Variants in SLIT3 observed in about 807,000 individuals in gnomAD.
SLIT3 encodes the protein slit homolog 3 protein.
Under a neutral mutation model 184.0 loss-of-function variants are expected in SLIT3, and 68 were observed. The ratio of observed to expected loss-of-function variants is 0.37; its 90% confidence interval spans 0.30 to 0.45. The LOEUF is 0.45. SLIT3 is among the 20% of genes least tolerant of loss of function. The pLI, the probability that SLIT3 is intolerant of heterozygous loss-of-function variation, is 1.00. For synonymous variants in SLIT3, 831 were observed against 828.6 expected (o/e 1.00, Z -0.05); for missense variants, 1,707 against 2,026.0 (o/e 0.84, Z 3.02).
At chr5:168,978,293 A>T (rs918499663) in intron 4 of SLIT3, among the ~76,000 whole-genome samples, 1 of 152,242 alleles carries the variant, frequency 6.6e-6, no homozygotes, top group Non-Finnish European at 1.5e-5. Context: ...ACACTCAGAA[A>T]TTGCCTCACC....
intron 11 of SLIT3, among the ~76,000 whole-genome samples, chr5:168,787,647 TC>T (rs1354770678): frequency 2.6e-5 from 4 of 152,132 alleles, no homozygotes; most frequent in African/African-American, 9.7e-5. Context: ...TTTTTCTGCC[TC>T]CCTCCCCCGC....
intron 4 of SLIT3, among the ~76,000 whole-genome samples, chr5:169,045,920 G>T (rs1484142922): frequency 1.3e-5 from 2 of 152,220 alleles, no homozygotes; most frequent in Non-Finnish European, 2.9e-5. Flanking sequence ...GTAACTGACT[G>T]TGTTTTGTGC....
chr5:168,789,522 C>A lies in SLIT3; in HGVS notation c.1079+38G>T, dbSNP rs543767778. 10 of 1,548,340 alleles carry A rather than the reference C, an allele frequency of 6.5e-6. No individual in the cohort carries two copies. In the South Asian group the frequency reaches 9.1e-5, roughly 14 times the overall value. ...GTCTCTCTTCCCTCCAGCGCCCCCC[C>A]TCCCCTCACCTCAGGCCCCAACTCG... On this transcript the variant is annotated intron_variant, in intron 11 of 35. Transcript: ENST00000519560.
intron 4 of SLIT3, among the ~76,000 whole-genome samples, chr5:168,908,450 C>T (rs1041644043): frequency 1.3e-5 from 2 of 152,050 alleles, no homozygotes; most frequent in Admixed American, 6.6e-5. Flanking sequence ...GATGTCAAGA[C>T]GGATGAGCGG....
At chr5:169,295,425 C>T (rs1175055274) in intron 1 of SLIT3, among the ~76,000 whole-genome samples, 1 of 152,286 alleles carries the variant, frequency 6.6e-6, no homozygotes. Context: ...ATTACAGGGA[C>T]TGCCTCAGGC....
At chr5:169,220,932 A>C (rs1362679823) in intron 3 of SLIT3, among the ~76,000 whole-genome samples, 2 of 152,192 alleles carry the variant, frequency 1.3e-5, no homozygotes, top group African/African-American at 4.8e-5. Context: ...CCCTTCTGGC[A>C]TCTGACCCTT....
In SLIT3 at chr5:168,798,220, C is replaced by CTTTTTTTTTTTTTTTTTTT. The variant is rs575178855; in HGVS notation, c.936-2643_936-2642insAAAAAAAAAAAAAAAAAAA. Among the ~76,000 whole-genome samples the CTTTTTTTTTTTTTTTTTTT allele has an allele frequency of 1.2e-3, 137 of 112,230 alleles. 19 individuals are homozygous for CTTTTTTTTTTTTTTTTTTT. Among genetic ancestry groups the CTTTTTTTTTTTTTTTTTTT allele is most frequent in the African/African-American group, 4.4e-3 (105 of 24,078 alleles). The allele number at this position is 112,230 out of a possible 152,430, so 73.6% of individuals were successfully genotyped here. A position where few individuals can be genotyped will look rare whatever the true frequency, so the allele number is the denominator to read the frequency against. ...CTTTTGGTTTTCTTTTCTTCTTCTT[C>CTTTTTTTTTTTTTTTTTTT]TTCTTTTTTTTTTTTTTTTAAGAGA... On this transcript the variant is annotated intron_variant, in intron 9 of 35. Transcript: ENST00000519560.
chr5:168,983,646 C>T (rs1165089540), intron 4 of SLIT3, among the ~76,000 whole-genome samples: 2 of 152,154 alleles, frequency 1.3e-5, no homozygotes, highest in African/African-American at 4.8e-5. Context: ...AGCCTAACTC[C>T]TGCTATTATG....
intron 4 of SLIT3, among the ~76,000 whole-genome samples, chr5:169,116,476 G>A (rs1174460041): frequency 1.3e-5 from 2 of 152,214 alleles, no homozygotes; most frequent in South Asian, 2.1e-4. Context: ...GAACGACCTA[G>A]TTATGGTGTT....
chr5:169,203,052 T>G (rs993128725), intron 3 of SLIT3, among the ~76,000 whole-genome samples: 1 of 152,118 alleles, frequency 6.6e-6, no homozygotes, highest in Non-Finnish European at 1.5e-5. Flanking sequence ...AAGAGTCCTG[T>G]CTACACAGAG....
At chr5:169,052,349 G>A (rs1188167693) in intron 4 of SLIT3, among the ~76,000 whole-genome samples, 1 of 152,092 alleles carries the variant, frequency 6.6e-6, no homozygotes, top group Non-Finnish European at 1.5e-5. Flanking sequence ...AGGTCATGAG[G>A]CCACAACAGA....
chr5:168,833,393 G>C (rs1270209821), intron 6 of SLIT3, among the ~76,000 whole-genome samples: 1 of 152,172 alleles, frequency 6.6e-6, no homozygotes, highest in Non-Finnish European at 1.5e-5. Flanking sequence ...GGCTAACTGG[G>C]CTCAGCAATG....
chr5:169,295,402 C>A (rs1409227664), intron 1 of SLIT3, among the ~76,000 whole-genome samples: 1 of 152,280 alleles, frequency 6.6e-6, no homozygotes, highest in African/African-American at 2.4e-5. Flanking sequence ...ATGGTAGGCA[C>A]CGTGCTGAGC....
intron 4 of SLIT3, among the ~76,000 whole-genome samples, chr5:169,001,867 T>G (rs1755711799): frequency 6.6e-6 from 1 of 151,804 alleles, no homozygotes. Flanking sequence ...TCTCCCTCCT[T>G]TTTTTTTCCC....
At chr5:168,848,813 A>G (rs1758573991) in intron 5 of SLIT3, among the ~76,000 whole-genome samples, 2 of 152,216 alleles carry the variant, frequency 1.3e-5, no homozygotes, top group South Asian at 4.1e-4. Flanking sequence ...GGGAGATAGC[A>G]CTTTTGAAAG....
At chr5:168,715,514 C>A (rs114976824) in intron 23 of SLIT3, among the ~76,000 whole-genome samples, 2 of 152,098 alleles carry the variant, frequency 1.3e-5, no homozygotes, top group Non-Finnish European at 2.9e-5. Flanking sequence ...CTCTCTGGAA[C>A]GATGAGGGCA....
At chr5:169,053,075 T>C (rs1242789609) in intron 4 of SLIT3, among the ~76,000 whole-genome samples, 1 of 152,232 alleles carries the variant, frequency 6.6e-6, no homozygotes, top group Non-Finnish European at 1.5e-5. Context: ...GAAGGTGTTA[T>C]ACCTGTAGGG....
intron 27 of SLIT3, among the ~76,000 whole-genome samples, chr5:168,699,249 C>A (rs1762147385): frequency 1.3e-5 from 2 of 152,234 alleles, no homozygotes; most frequent in Non-Finnish European, 2.9e-5. Flanking sequence ...GGGCGGGTTC[C>A]CGGGGGAAGA....
intron 5 of SLIT3, chr5:168,844,899 T>A: frequency 7.4e-6 from 2 of 271,462 alleles, no homozygotes; most frequent in Non-Finnish European, 1.4e-5. Context: ...ATTGCGCATT[T>A]TTTTTTTTTT....
Sources: gnomAD v4.1 joint callset for allele counts (sites outside exome capture counted in the v4.1 genomes callset) on GRCh38, gnomAD v4.1.1 for gene constraint, MANE v1.5 for transcripts, NCBI Gene and HGNC (gene_info 2026-07-23, HGNC 2026-07-21) for gene names.